Variants in MECOM observed in about 807,000 individuals in gnomAD.
The protein encoded by MECOM is MDS1 and EVI1 complex locus, also known as histone-lysine N-methyltransferase MECOM.
Under a neutral mutation model 116.3 loss-of-function variants are expected in MECOM, and 13 were observed. That is an observed-to-expected ratio of 0.11 (90% CI 0.07 to 0.18). MECOM has a LOEUF of 0.18. Among genes scored for constraint, MECOM ranks in the 10% least tolerant of loss-of-function variants. MECOM has a pLI of 1.00. For synonymous variants in MECOM, 528 were observed against 535.2 expected (o/e 0.99, Z 0.19); for missense variants, 1,299 against 1,509.0 (o/e 0.86, Z 2.31).
intron 1 of MECOM, among the ~76,000 whole-genome samples, chr3:169,497,019 C>T (rs900994225): frequency 4.6e-5 from 7 of 152,144 alleles, no homozygotes; most frequent in Admixed American, 3.3e-4. Flanking sequence ...TTTATTGCTA[C>T]CATTCCTTCT....
chr3:169,452,686 T>G (rs543714441), intron 1 of MECOM, among the ~76,000 whole-genome samples: 7 of 152,326 alleles, frequency 4.6e-5, no homozygotes, highest in African/African-American at 1.7e-4. Flanking sequence ...CCACAAGGCC[T>G]GGAATTGACC....
rs1229104853 is a variant in MECOM at position 169,139,341 on chromosome 3, T to C, written c.510+4357A>G. On this transcript the variant is annotated intron_variant, in intron 3 of 16. Transcript: ENST00000651503. ...TGTGTAAATGACAAGATTAATAATG[T>C]CTTGGGTTTCTGAGAACTTTATTCT... Among the ~76,000 whole-genome samples, 3 of 152,198 alleles carry C rather than the reference T, an allele frequency of 2.0e-5. No homozygotes were observed. The South Asian group carries it at 6.2e-4, about 32-fold the overall frequency.
intron 1 of MECOM, among the ~76,000 whole-genome samples, chr3:169,535,554 G>C (rs1484021082): frequency 6.6e-6 from 1 of 152,124 alleles, no homozygotes; most frequent in Non-Finnish European, 1.5e-5. Context: ...CTTTACCACT[G>C]TATGAAACAG....
At chr3:169,468,811 G>A (rs2108774080) in intron 1 of MECOM, among the ~76,000 whole-genome samples, 1 of 152,262 alleles carries the variant, frequency 6.6e-6, no homozygotes, top group East Asian at 1.9e-4. Context: ...GATCTTACTT[G>A]ATCTTACTTC....
At chr3:169,414,766 G>C (rs544049902) in intron 1 of MECOM, among the ~76,000 whole-genome samples, 3 of 152,256 alleles carry the variant, frequency 2.0e-5, no homozygotes, top group Admixed American at 6.5e-5. Context: ...AATCAATCAA[G>C]TGGAAGAAAG....
chr3:169,209,371 A>G (rs1339808352), intron 2 of MECOM, among the ~76,000 whole-genome samples: 2 of 152,190 alleles, frequency 1.3e-5, no homozygotes, highest in Non-Finnish European at 2.9e-5. Flanking sequence ...TAATTAAACT[A>G]AAGAGCTTCT....
intron 2 of MECOM, among the ~76,000 whole-genome samples, chr3:169,155,096 CTG>C (rs139666781): frequency 6.6e-6 from 1 of 152,294 alleles, no homozygotes; most frequent in East Asian, 1.9e-4. Context: ...ATAAACTAAA[CTG>C]TCTTTGAGAC....
At chr3:169,578,734 T>TG (rs1247506381) in intron 1 of MECOM, among the ~76,000 whole-genome samples, 1 of 152,176 alleles carries the variant, frequency 6.6e-6, no homozygotes, top group African/African-American at 2.4e-5. Flanking sequence ...ACCCACATTG[T>TG]GGGGACCGCT....
chr3:169,249,598 T>A (rs561812160), intron 2 of MECOM, among the ~76,000 whole-genome samples: 2 of 152,332 alleles, frequency 1.3e-5, no homozygotes, highest in South Asian at 4.1e-4. Context: ...AATCTGTTTT[T>A]AAATAAAATT....
intron 2 of MECOM, among the ~76,000 whole-genome samples, chr3:169,283,267 C>T (rs1450920235): frequency 1.3e-5 from 2 of 151,994 alleles, no homozygotes; most frequent in African/African-American, 2.4e-5. Flanking sequence ...TTTTGGGAGG[C>T]CAAGGCAGAA....
intron 2 of MECOM, among the ~76,000 whole-genome samples, chr3:169,352,172 T>C (rs1006088636): frequency 6.6e-6 from 1 of 151,924 alleles, no homozygotes; most frequent in African/African-American, 2.4e-5. Flanking sequence ...TCATTTTACA[T>C]AGCCGTAGTT....
chr3:169,368,182 T>C (rs1008879605), intron 2 of MECOM, among the ~76,000 whole-genome samples: 1 of 152,028 alleles, frequency 6.6e-6, no homozygotes, highest in African/African-American at 2.4e-5. Flanking sequence ...ATGCAGAAAA[T>C]AATCTTAAAA....
intron 2 of MECOM, among the ~76,000 whole-genome samples, chr3:169,341,949 T>C (rs1023756953): frequency 6.6e-6 from 1 of 152,178 alleles, no homozygotes; most frequent in South Asian, 2.1e-4. Flanking sequence ...ACATCTCATG[T>C]ACCCCATACA....
At chr3:169,415,384 C>G (rs547413049) in intron 1 of MECOM, among the ~76,000 whole-genome samples, 43 of 152,204 alleles carry the variant, frequency 2.8e-4, no homozygotes, top group African/African-American at 8.4e-4. Flanking sequence ...CTGAAGGAAG[C>G]ACTAAATATA....
At chr3:169,260,557 G>T (rs1371553608) in intron 2 of MECOM, among the ~76,000 whole-genome samples, 3 of 148,572 alleles carry the variant, frequency 2.0e-5, no homozygotes, top group East Asian at 3.9e-4. Context: ...CTCATTTTTT[G>T]GCTTCACGCT....
intron 2 of MECOM, among the ~76,000 whole-genome samples, chr3:169,318,949 A>C (rs1001162488): frequency 6.6e-6 from 1 of 151,944 alleles, no homozygotes; most frequent in African/African-American, 2.4e-5. Context: ...AAATACAAAA[A>C]TTAGCTGGGC....
intron 2 of MECOM, among the ~76,000 whole-genome samples, chr3:169,298,286 A>G (rs1173560828): frequency 6.6e-6 from 1 of 152,108 alleles, no homozygotes; most frequent in East Asian, 1.9e-4. Flanking sequence ...ACCATATTAA[A>G]TGTTATCAAT....
At chr3:169,133,755 T>C (rs1161329333) in intron 3 of MECOM, among the ~76,000 whole-genome samples, 1 of 152,212 alleles carries the variant, frequency 6.6e-6, no homozygotes. Context: ...AACAGTTCTT[T>C]TTAAAGATTA....
chr3:169,442,790 C>T (rs970792452), intron 1 of MECOM, among the ~76,000 whole-genome samples: 6 of 152,188 alleles, frequency 3.9e-5, no homozygotes, highest in South Asian at 2.1e-4. Flanking sequence ...TTTGGAAACA[C>T]CACCATCGAT....
Sources: gnomAD v4.1 joint callset for allele counts (sites outside exome capture counted in the v4.1 genomes callset) on GRCh38, gnomAD v4.1.1 for gene constraint, MANE v1.5 for transcripts, NCBI Gene and HGNC (gene_info 2026-07-23, HGNC 2026-07-21) for gene names.